MDGA2: variants seen among roughly 807,000 people sequenced by gnomAD.
MDGA2 encodes the protein MAM domain containing glycosylphosphatidylinositol anchor 2, also known as MAM domain-containing glycosylphosphatidylinositol anchor protein 2.
Under a neutral mutation model 117.8 loss-of-function variants are expected in MDGA2, and 40 were observed. The observed-to-expected ratio is 0.34, with a 90% CI of 0.26 to 0.44. MDGA2 has a LOEUF of 0.44. Ranked by LOEUF, MDGA2 falls within the 20% of genes least tolerant of loss-of-function variation. MDGA2 has a pLI of 1.00. For synonymous variants in MDGA2, 452 were observed against 439.0 expected, an observed-to-expected ratio of 1.03 and a Z score of -0.37; for missense variants, 1,123 against 1,250.6, an observed-to-expected ratio of 0.90 and a Z score of 1.54.
chr14:47,643,577 C>T (rs1417452243), intron 1 of MDGA2, among the ~76,000 whole-genome samples: 3 of 152,048 alleles, frequency 2.0e-5, no homozygotes, highest in Non-Finnish European at 2.9e-5. Flanking sequence ...CTATCACCAG[C>T]CATTCTCAAG....
At chr14:47,197,360 C>T (rs1432281896) in intron 3 of MDGA2, among the ~76,000 whole-genome samples, 1 of 152,032 alleles carries the variant, frequency 6.6e-6, no homozygotes, top group East Asian at 1.9e-4. Context: ...ACTCTCTGTT[C>T]TCCACCATGT....
intron 1 of MDGA2, among the ~76,000 whole-genome samples, chr14:47,625,876 A>G (rs752873830): frequency 6.6e-6 from 1 of 152,236 alleles, no homozygotes; most frequent in African/African-American, 2.4e-5. Context: ...CAGGAGCCCA[A>G]TGACTTAGCC....
At chr14:46,913,662 C>A (rs529887705) in intron 10 of MDGA2, among the ~76,000 whole-genome samples, 2 of 152,162 alleles carry the variant, frequency 1.3e-5, no homozygotes, top group Admixed American at 1.3e-4. Flanking sequence ...TACTCGTGGT[C>A]ACCGTTTAAG....
At chr14:47,597,845 TAC>T (rs35221587) in intron 1 of MDGA2, among the ~76,000 whole-genome samples, 42,186 of 141,102 alleles carry the variant, frequency 0.3, 5,977 homozygotes, top group Non-Finnish European at 0.33. Flanking sequence ...CACACACACA[TAC>T]ACACACACAC....
chr14:47,212,739 G>T (rs1885931459), intron 3 of MDGA2, among the ~76,000 whole-genome samples: 1 of 152,108 alleles, frequency 6.6e-6, no homozygotes, highest in African/African-American at 2.4e-5. Flanking sequence ...CTATGCAAGC[G>T]ATCTTTACCG....
intron 2 of MDGA2, among the ~76,000 whole-genome samples, chr14:47,263,237 A>G (rs1887857170): frequency 6.6e-6 from 1 of 152,064 alleles, no homozygotes; most frequent in African/African-American, 2.4e-5. Context: ...CATGTCTCAC[A>G]ATCTTAAGAA....
chr14:47,373,536 A>G (rs1355807413), intron 1 of MDGA2, among the ~76,000 whole-genome samples: 1 of 152,102 alleles, frequency 6.6e-6, no homozygotes, highest in Non-Finnish European at 1.5e-5. Context: ...ATTAAGCTAA[A>G]TGAAAGAAGC....
At chr14:47,484,854 C>T (rs1894026147) in intron 1 of MDGA2, among the ~76,000 whole-genome samples, 1 of 152,110 alleles carries the variant, frequency 6.6e-6, no homozygotes, top group African/African-American at 2.4e-5. Flanking sequence ...TGACTTGCTC[C>T]TCCTTGCCTT....
At chr14:47,628,365 C>CT (rs1897190317) in intron 1 of MDGA2, among the ~76,000 whole-genome samples, 1 of 152,180 alleles carries the variant, frequency 6.6e-6, no homozygotes. Flanking sequence ...TCTGAGAACA[C>CT]GTTGGTTTTG....
intron 1 of MDGA2, among the ~76,000 whole-genome samples, chr14:47,360,989 T>G (rs1283579877): frequency 6.6e-6 from 1 of 152,136 alleles, no homozygotes; most frequent in Non-Finnish European, 1.5e-5. Flanking sequence ...TATGTGGGAC[T>G]AATAAGTCTA....
intron 1 of MDGA2, among the ~76,000 whole-genome samples, chr14:47,659,181 T>G (rs762843604): frequency 3.3e-5 from 5 of 152,204 alleles, no homozygotes; most frequent in Non-Finnish European, 5.9e-5. Flanking sequence ...ATGACCAAAC[T>G]AACACATCTG....
At chr14:47,310,815 TA>T (rs902978664) in intron 1 of MDGA2, among the ~76,000 whole-genome samples, 22 of 152,238 alleles carry the variant, frequency 1.4e-4, no homozygotes, top group South Asian at 2.1e-4. Context: ...CTCTTGCCTT[TA>T]TGGTACCACT....
intron 10 of MDGA2, among the ~76,000 whole-genome samples, chr14:46,900,455 C>T (rs562560518): frequency 3.3e-5 from 5 of 152,120 alleles, no homozygotes; most frequent in African/African-American, 1.2e-4. Context: ...CTTGAACAAC[C>T]CAAATGTATT....
rs531507974 is a variant in MDGA2 at position 47,136,211 on chromosome 14, T to C, written c.793-4365A>G. 5.8e-4 allele frequency among the ~76,000 whole-genome samples: 88 copies of C among 151,156 alleles called. 2 individuals are homozygous for C. The South Asian group carries it at 0.018, about 32-fold the overall frequency. On this transcript the variant is annotated intron_variant, in intron 4 of 16. Transcript: ENST00000399232. ...GTGTTTTCTCTCTTTTTTTTTTTTT[T>C]TTTTTGAGACATAGTTTAGCTCTGT...
At chr14:47,104,351 C>T (rs935186391) in intron 5 of MDGA2, among the ~76,000 whole-genome samples, 2 of 150,598 alleles carry the variant, frequency 1.3e-5, no homozygotes, top group African/African-American at 2.5e-5. Context: ...GTGTAAATGG[C>T]CGGTCCTTGC....
chr14:47,487,718 A>C (rs1894089535), intron 1 of MDGA2, among the ~76,000 whole-genome samples: 1 of 152,206 alleles, frequency 6.6e-6, no homozygotes, highest in South Asian at 2.1e-4. Context: ...ATTTGGAAGC[A>C]GTAGCATACA....
At chr14:47,439,207 T>C (rs564102521) in intron 1 of MDGA2, among the ~76,000 whole-genome samples, 6 of 152,216 alleles carry the variant, frequency 3.9e-5, no homozygotes, top group African/African-American at 1.2e-4. Flanking sequence ...TAGAGATATA[T>C]ATAGCAGGTT....
chr14:47,357,385 C>T (rs914039090), intron 1 of MDGA2, among the ~76,000 whole-genome samples: 13 of 152,176 alleles, frequency 8.5e-5, no homozygotes, highest in Admixed American at 1.3e-4. Flanking sequence ...GGGAGGCTCT[C>T]GAAAATGTGC....
At chr14:46,961,356 G>C (rs1346098204) in intron 8 of MDGA2, among the ~76,000 whole-genome samples, 1 of 151,882 alleles carries the variant, frequency 6.6e-6, no homozygotes, top group African/African-American at 2.4e-5. Flanking sequence ...TTCTGCTTTT[G>C]ATGTCTTTTA....
Sources: gnomAD v4.1 joint callset for allele counts (sites outside exome capture counted in the v4.1 genomes callset) on GRCh38, gnomAD v4.1.1 for gene constraint, MANE v1.5 for transcripts, NCBI Gene and HGNC (gene_info 2026-07-23, HGNC 2026-07-21) for gene names.